The following PCM1 variants were observed in gnomAD, a reference collection of about 807,000 sequenced individuals.
PCM1 encodes pericentriolar material 1, also known as pericentriolar material 1 protein.
In PCM1, 157 loss-of-function variants were observed where a neutral mutation model predicts 241.9. The observed-to-expected ratio is 0.65, with a 90% CI of 0.57 to 0.74. PCM1 has a LOEUF of 0.74. Ranked by LOEUF, PCM1 falls within the 30% of genes least tolerant of loss-of-function variation. The probability of loss-of-function intolerance (pLI) is 0.00; values close to 1 mark genes in which losing one functional copy is unlikely to be tolerated. For missense variants in PCM1, 3,478 were observed against 2,360.1 expected (o/e 1.47, Z -9.81); for synonymous variants, 1,085 against 784.9 (o/e 1.38, Z -6.39).
At chr8:18,021,894 TAC>T (rs2093783248) in intron 36 of PCM1, among the ~76,000 whole-genome samples, 1 of 152,202 alleles carries the variant, frequency 6.6e-6, no homozygotes, top group Non-Finnish European at 1.5e-5. Context: ...AATGACTCAA[TAC>T]TCTAAGACCT....
chr8:17,981,129 T>A (rs373255708), intron 24 of PCM1, among the ~76,000 whole-genome samples: 28 of 152,322 alleles, frequency 1.8e-4, no homozygotes, highest in African/African-American at 6.5e-4. Flanking sequence ...GGAACGTACA[T>A]GGCCATCAGG....
At chr8:17,967,305 C>CCT (rs750023452) in intron 21 of PCM1, 135 bp downstream of exon 21, 31 of 515,418 alleles carry the variant, frequency 6.0e-5, no homozygotes, top group African/African-American at 5.4e-4. Context: ...GTTACAAACT[C>CCT]TTTTTTTTTT....
chr8:17,958,320 T>C (rs1459591499), intron 13 of PCM1, among the ~76,000 whole-genome samples: 1 of 152,132 alleles, frequency 6.6e-6, no homozygotes, highest in Non-Finnish European at 1.5e-5. Context: ...AGAAAAACCA[T>C]ATGTTATCTT....
At position 18,014,806 on chromosome 8, in the gene PCM1, C is replaced by CTGATACTGAATCTCCAGTGTTAG; in HGVS notation, c.5811_5833dup (p.Asn1945IlefsTer7). Reference sequence around the variant, plus strand: ...CCTGAAAGCTCTCTGGCTGGAAGTCCTGATACTGAATCTCCAGTGTTAGTG... The same window carrying CTGATACTGAATCTCCAGTGTTAG: ...CCTGAAAGCTCTCTGGCTGGAAGTCCTGATACTGAATCTCCAGTGTTAGTGATACTGAATCTCCAGTGTTAGTG... On this transcript the variant is annotated frameshift_variant, in exon 36 of 39. Transcript: ENST00000325083. LOFTEE classifies it high-confidence loss of function. 1 of 1,603,682 alleles carries CTGATACTGAATCTCCAGTGTTAG rather than the reference C, an allele frequency of 6.2e-7. No individual in the cohort carries two copies.
At chr8:17,929,925 C>G (rs73580028) in intron 2 of PCM1, among the ~76,000 whole-genome samples, 1 of 152,106 alleles carries the variant, frequency 6.6e-6, no homozygotes, top group African/African-American at 2.4e-5. Flanking sequence ...CTCAAAATAA[C>G]GTACTTTACT....
chr8:17,966,860 G>A, intron 20 of PCM1, 120 bp from the exon 21 acceptor site: 1 of 857,070 alleles, frequency 1.2e-6, no homozygotes, highest in Non-Finnish European at 1.8e-6. Context: ...ATTTGTTACA[G>A]TATCAGAGCA....
In PCM1 at chr8:18,025,406, T is replaced by G; in HGVS notation, c.5887T>G (p.Phe1963Val). The change falls in exon 37 of 39, where the codon TTT becomes GTT. Residue 1963 changes from phenylalanine to valine, a missense_variant. Coordinates refer to ENST00000325083, the MANE Select transcript of PCM1 (RefSeq NM_006197.4). ...NISQKSDEEDFVKVEDLPLKL... is the reference protein window; with the variant it reads ...NISQKSDEEDVVKVEDLPLKL... ...AAGTCAAAAGTCTGATGAAGAAGAT[T>G]TTGTAAAAGTTGAAGATTTACCACT... 6.2e-7 allele frequency: 1 copy of G among 1,605,360 alleles called. No individual in the cohort carries two copies. The highest frequency in any genetic ancestry group is 8.5e-7 in the Non-Finnish European group (1 of 1,174,618).
chr8:17,928,468 T>C (rs1042937371), intron 2 of PCM1, among the ~76,000 whole-genome samples: 14 of 152,092 alleles, frequency 9.2e-5, no homozygotes, highest in African/African-American at 2.7e-4. Context: ...CCATCCTTTC[T>C]TGGTTTTTTT....
In PCM1 at chr8:17,990,959, C is replaced by T. The variant is rs1294785610; in HGVS notation, c.4532-583C>T. Among the ~76,000 whole-genome samples, 6 of 152,198 alleles carry T rather than the reference C, an allele frequency of 3.9e-5. No homozygotes were observed. The East Asian group carries it at 1.2e-3, about 29-fold the overall frequency. ...TTACAGAGAAAAATTACTGTGTGGC[C>T]TGCCAACCCTCACCCCTTAGGTTGT... is the stretch of plus-strand genomic sequence containing the variant. On this transcript the variant is annotated intron_variant, in intron 27 of 38. Coordinates refer to ENST00000325083, the MANE Select transcript of PCM1 (RefSeq NM_006197.4).
Position 17,933,345 on chromosome 8 carries a change from C to G in PCM1, c.-22-2244C>G, listed in dbSNP as rs997050557. On this transcript the variant is annotated intron_variant, in intron 2 of 38. Coordinates refer to ENST00000325083, the MANE Select transcript of PCM1 (RefSeq NM_006197.4). Reference sequence around the variant, plus strand: ...TAGACAGCTAATTTGGATTAGCATTCTAACCTCCTGACCTCTGTTGCTATC... The same window carrying G: ...TAGACAGCTAATTTGGATTAGCATTGTAACCTCCTGACCTCTGTTGCTATC... Among the ~76,000 whole-genome samples, 48 of 152,208 alleles carry G rather than the reference C, an allele frequency of 3.2e-4. 1 individual carries two copies. Among genetic ancestry groups the G allele is most frequent in the Non-Finnish European group, 1.3e-4 (9 of 68,026 alleles).
chr8:18,028,322 C>T lies in PCM1; in HGVS notation c.*660C>T, dbSNP rs911352292. ...TATCTAGAACTTACATCATTATCATCTGTTTGTTAGGATTTGAAATTCTGG... is the reference window on the plus strand; with the variant it reads ...TATCTAGAACTTACATCATTATCATTTGTTTGTTAGGATTTGAAATTCTGG... On this transcript the variant is annotated 3_prime_UTR_variant, in exon 39 of 39. Transcript: ENST00000325083. 8 of 181,084 alleles carry T rather than the reference C, an allele frequency of 4.4e-5. No homozygotes were observed. Among genetic ancestry groups the T allele is most frequent in the African/African-American group, 1.3e-4 (5 of 39,916 alleles). 11.2% of individuals were successfully genotyped at this position (181,084 alleles called of 1,614,324 possible).
At chr8:17,939,130 T>C (rs943170753) in intron 5 of PCM1, 121 bp downstream of exon 5, 1 of 824,028 alleles carries the variant, frequency 1.2e-6, no homozygotes, top group Non-Finnish European at 1.9e-6. Flanking sequence ...AGTGCTTCAC[T>C]GACCTCCTTT....
intron 6 of PCM1, among the ~76,000 whole-genome samples, chr8:17,940,811 G>C (rs1358246501): frequency 6.6e-6 from 1 of 152,130 alleles, no homozygotes; most frequent in African/African-American, 2.4e-5. Context: ...ACTTAGTGTG[G>C]TTCAATGCTA....
At chr8:18,025,684 C>A in intron 38 of PCM1, 26 bp downstream of exon 38, 1 of 1,300,782 alleles carries the variant, frequency 7.7e-7, no homozygotes, top group Non-Finnish European at 1.1e-6. Context: ...TTAAATCTTG[C>A]CATATTGAAA....
intron 6 of PCM1, chr8:17,940,275 C>G (rs746123982): frequency 1.7e-6 from 1 of 590,448 alleles, no homozygotes; most frequent in East Asian, 2.8e-5. Context: ...CAGGGAAGAA[C>G]CCCTCAAATT....
At chr8:17,993,303 ATGG>A (rs540158284) in intron 28 of PCM1, among the ~76,000 whole-genome samples, 177 bp from the exon 29 acceptor site, 5 of 152,268 alleles carry the variant, frequency 3.3e-5, no homozygotes, top group South Asian at 2.1e-4. Flanking sequence ...GTGATATCTA[ATGG>A]TGGTTTTATT....
At chr8:18,011,988 AT>A (rs1378329894) in intron 34 of PCM1, among the ~76,000 whole-genome samples, 161 bp downstream of exon 34, 4 of 152,104 alleles carry the variant, frequency 2.6e-5, no homozygotes, top group African/African-American at 9.7e-5. Flanking sequence ...AAACCAGTTT[AT>A]TTTTTATGAT....
chr8:17,980,490 T>C, intron 23 of PCM1, 101 bp from the exon 24 acceptor site: 1 of 866,894 alleles, frequency 1.2e-6, no homozygotes, highest in Non-Finnish European at 1.8e-6. Flanking sequence ...CTTCCTAGCA[T>C]TGTAAATTGA....
intron 2 of PCM1, chr8:17,926,697 A>T (rs931520875): frequency 6.6e-6 from 1 of 152,188 alleles, no homozygotes; most frequent in African/African-American, 2.4e-5. Flanking sequence ...TTTTGCAATG[A>T]CTTAGTTGGG....
Sources: gnomAD v4.1 joint callset for allele counts (sites outside exome capture counted in the v4.1 genomes callset) on GRCh38, gnomAD v4.1.1 for gene constraint, MANE v1.5 for transcripts, NCBI Gene and HGNC (gene_info 2026-07-23, HGNC 2026-07-21) for gene names.